PTPRQ: variants seen among roughly 807,000 people sequenced by gnomAD.
PTPRQ encodes phosphatidylinositol phosphatase PTPRQ.
PTPRQ carries 199 observed loss-of-function variants against 246.0 expected under a neutral mutation model. The ratio of observed to expected loss-of-function variants is 0.81; its 90% CI spans 0.72 to 0.91. The LOEUF (loss-of-function observed/expected upper bound fraction) is 0.91. Among genes scored for constraint, PTPRQ ranks in the 40% least tolerant of loss-of-function variants. The pLI is 0.00. For missense variants in PTPRQ, 2,624 were observed against 2,528.4 expected, an observed-to-expected ratio of 1.04 and a Z score of -0.81; for synonymous variants, 869 against 853.2, an observed-to-expected ratio of 1.02 and a Z score of -0.32.
chr12:80,465,073 T>A (rs1309792586), intron 6 of PTPRQ: 1 of 123,554 alleles, frequency 8.1e-6, no homozygotes, highest in Non-Finnish European at 1.7e-5. Flanking sequence ...GGAGCTGGTT[T>A]TTTGAAAGGA....
Position 80,678,613 on chromosome 12 carries a change from C to G in PTPRQ, c.6750C>G (p.Ile2250Met). 1.3e-6 allele frequency: 2 copies of G among 1,548,412 alleles called. No homozygotes were observed. Among genetic ancestry groups the G allele is most frequent in the Non-Finnish European group, 1.7e-6 (2 of 1,145,318 alleles). Reference protein sequence around the residue: ...MCMVQNLAQYIFLHQCILDLL... With the variant: ...MCMVQNLAQYMFLHQCILDLL... ...TCTTTGGTGTCTAGGCACAGTATAT[C>G]TTTTTACACCAGTGCATTCTGGATC... is the stretch of plus-strand genomic sequence containing the variant. The change falls in exon 44 of 45, where the codon ATC (isoleucine) becomes ATG (methionine). Residue 2250 changes from isoleucine (I) to methionine (M), a missense_variant. Ile to Met is a conservative substitution (Grantham distance 10). Coordinates refer to ENST00000644991, the MANE Select transcript of PTPRQ (RefSeq NM_001145026.2).
At chr12:80,579,871 T>C (rs1256817417) in intron 25 of PTPRQ, among the ~76,000 whole-genome samples, 3 of 152,168 alleles carry the variant, frequency 2.0e-5, no homozygotes, top group Non-Finnish European at 4.4e-5. Flanking sequence ...ATTGGGTTGA[T>C]AATTTTGTAT....
chr12:80,509,318 A>C (rs1040896247), intron 16 of PTPRQ, among the ~76,000 whole-genome samples: 1 of 152,066 alleles, frequency 6.6e-6, no homozygotes, highest in Non-Finnish European at 1.5e-5. Context: ...TATTCAGAGA[A>C]GTAAAAAAGA....
chr12:80,603,270 T>C (rs1042691276), intron 26 of PTPRQ, among the ~76,000 whole-genome samples: 2 of 151,028 alleles, frequency 1.3e-5, no homozygotes, highest in Non-Finnish European at 3.0e-5. Flanking sequence ...TGGAAAGAGC[T>C]TATCTACACT....
intron 33 of PTPRQ, 23 bp from the exon 34 acceptor site, chr12:80,632,169 A>T: frequency 6.5e-7 from 1 of 1,540,098 alleles, no homozygotes; most frequent in Non-Finnish European, 8.7e-7. Flanking sequence ...ATATTTAATG[A>T]TCCTGTTATC....
intron 9 of PTPRQ, among the ~76,000 whole-genome samples, chr12:80,485,446 G>A (rs1349772287): frequency 6.6e-6 from 1 of 152,154 alleles, no homozygotes; most frequent in Non-Finnish European, 1.5e-5. Context: ...TGTTGTTTCA[G>A]AATTGCTGCT....
intron 30 of PTPRQ, among the ~76,000 whole-genome samples, chr12:80,616,867 A>T (rs1898782949): frequency 6.6e-6 from 1 of 151,146 alleles, no homozygotes. Flanking sequence ...AGAGGAATTT[A>T]GGGCCATTCG....
At chr12:80,480,789 T>A (rs1319634946) in intron 8 of PTPRQ, among the ~76,000 whole-genome samples, 1 of 152,136 alleles carries the variant, frequency 6.6e-6, no homozygotes, top group Non-Finnish European at 1.5e-5. Context: ...ATGAATAAAT[T>A]CCTCGACACA....
intron 24 of PTPRQ, among the ~76,000 whole-genome samples, chr12:80,548,448 T>A (rs376946288): frequency 1.5e-3 from 231 of 152,236 alleles, no homozygotes; most frequent in Middle Eastern, 3.4e-3. Context: ...CTTTAAAAAA[T>A]TTTTTAATGC....
chr12:80,580,431 G>A (rs1057231581), intron 25 of PTPRQ, among the ~76,000 whole-genome samples: 1 of 152,112 alleles, frequency 6.6e-6, no homozygotes, highest in African/African-American at 2.4e-5. Context: ...AAAAGTTTGA[G>A]GTTTTTAGTC....
At chr12:80,467,883 G>T (rs1893488310) in intron 6 of PTPRQ, among the ~76,000 whole-genome samples, 1 of 152,288 alleles carries the variant, frequency 6.6e-6, no homozygotes, top group African/African-American at 2.4e-5. Flanking sequence ...GGGAGGTATA[G>T]CTTTAGGAGT....
At chr12:80,633,839 C>A (rs1899535774) in intron 34 of PTPRQ, among the ~76,000 whole-genome samples, 1 of 152,122 alleles carries the variant, frequency 6.6e-6, no homozygotes, top group African/African-American at 2.4e-5. Context: ...GCTCTAAAAT[C>A]TTTTCTGACT....
chr12:80,582,954 C>A (rs891089824), intron 25 of PTPRQ, among the ~76,000 whole-genome samples: 1 of 152,166 alleles, frequency 6.6e-6, no homozygotes, highest in African/African-American at 2.4e-5. Context: ...GGTTTAAGGA[C>A]TCAGTTTAAT....
chr12:80,566,055 C>A (rs1421920277), intron 25 of PTPRQ, among the ~76,000 whole-genome samples: 2 of 152,158 alleles, frequency 1.3e-5, no homozygotes, highest in African/African-American at 4.8e-5. Flanking sequence ...TCACCCATTG[C>A]TTCTATGTCT....
intron 3 of PTPRQ, 63 bp from the exon 4 acceptor site, chr12:80,457,512 A>AT: frequency 2.5e-6 from 1 of 399,888 alleles, no homozygotes; most frequent in East Asian, 3.6e-5. Context: ...TTTGTTTTAA[A>AT]TTTTAGATTC....
intron 19 of PTPRQ, among the ~76,000 whole-genome samples, chr12:80,538,918 A>G (rs767426330): frequency 6.6e-6 from 1 of 152,136 alleles, no homozygotes; most frequent in Non-Finnish European, 1.5e-5. Context: ...TTTATCCAGG[A>G]TACCCTGACA....
chr12:80,615,898 G>C (rs1057407112), intron 29 of PTPRQ, among the ~76,000 whole-genome samples: 1 of 150,906 alleles, frequency 6.6e-6, no homozygotes, highest in Non-Finnish European at 1.5e-5. Flanking sequence ...TGATAGGGCT[G>C]TTTAGATCAC....
intron 19 of PTPRQ, among the ~76,000 whole-genome samples, chr12:80,539,405 CA>C (rs1472403591): frequency 6.6e-6 from 1 of 152,114 alleles, no homozygotes; most frequent in East Asian, 1.9e-4. Context: ...CTAATACTCC[CA>C]AACTTGTTTA....
intron 17 of PTPRQ, chr12:80,512,835 G>C (rs1895161573): frequency 6.6e-6 from 1 of 152,106 alleles, no homozygotes; most frequent in Admixed American, 6.5e-5. Flanking sequence ...TCTGGGTACA[G>C]GGGAAGCCCA....
Sources: gnomAD v4.1 joint callset for allele counts (sites outside exome capture counted in the v4.1 genomes callset) on GRCh38, gnomAD v4.1.1 for gene constraint, MANE v1.5 for transcripts, NCBI Gene and HGNC (gene_info 2026-07-23, HGNC 2026-07-21) for gene names.